HSPA12A: variants seen among roughly 807,000 people sequenced by gnomAD.
The protein encoded by HSPA12A is heat shock 70 kDa protein 12A.
Under a neutral mutation model 69.2 loss-of-function variants are expected in HSPA12A, and 28 were observed. The ratio of observed to expected loss-of-function variants is 0.40; its 90% CI spans 0.30 to 0.55. HSPA12A has a LOEUF of 0.55. HSPA12A is among the 20% of genes least tolerant of loss of function. The pLI, the probability that HSPA12A is intolerant of heterozygous loss-of-function variation, is 0.38. For missense variants in HSPA12A, 686 were observed against 900.7 expected (o/e 0.76, Z 3.05); for synonymous variants, 345 against 370.5 (o/e 0.93, Z 0.79).
intron 3 of HSPA12A, among the ~76,000 whole-genome samples, chr10:116,704,234 G>C (rs1554881969): frequency 6.6e-6 from 1 of 152,164 alleles, no homozygotes; most frequent in Non-Finnish European, 1.5e-5. Flanking sequence ...CGGTAGACTA[G>C]ATTAAGAAAA....
chr10:116,812,435 C>A (rs995617644), intron 2 of HSPA12A, among the ~76,000 whole-genome samples: 1 of 151,622 alleles, frequency 6.6e-6, no homozygotes, highest in Non-Finnish European at 1.5e-5. Context: ...CCTAGGCGAT[C>A]GAGTGAGACT....
Position 116,675,513 on chromosome 10 carries a change from C to T in HSPA12A, c.1391-95G>A, listed in dbSNP as rs1163751812. On this transcript the variant is annotated intron_variant, in intron 11 of 11. Coordinates refer to ENST00000369209, the MANE Select transcript of HSPA12A (RefSeq NM_025015.3). The surrounding 1 kb of genome is among the most constrained non-coding windows in gnomAD (Gnocchi z 5.2). ...TGCATCTGTGGGGAACGGATAAAGC[C>T]ACTTGGGCCACTGGGAGGGCAGGCT... 10 of 1,289,372 alleles carry T rather than the reference C, an allele frequency of 7.8e-6. No individual in the cohort carries two copies. The highest frequency in any genetic ancestry group is 1.5e-5 in the South Asian group (1 of 64,604). 79.9% of individuals were successfully genotyped at this position (1,289,372 alleles called of 1,614,324 possible).
At chr10:116,727,183 TA>T (rs1405616673) in intron 1 of HSPA12A, among the ~76,000 whole-genome samples, 55 of 152,312 alleles carry the variant, frequency 3.6e-4, no homozygotes, top group African/African-American at 1.3e-3. Context: ...TGGGTTAAAA[TA>T]ACAATAATTT....
intron 1 of HSPA12A, among the ~76,000 whole-genome samples, chr10:116,838,814 T>C (rs1412428529): frequency 6.6e-6 from 1 of 152,248 alleles, no homozygotes; most frequent in African/African-American, 2.4e-5. Flanking sequence ...GCCGGTTAAA[T>C]GCACAGAGAG....
chr10:116,705,977 G>A (rs1173423241), intron 2 of HSPA12A, among the ~76,000 whole-genome samples: 1 of 144,448 alleles, frequency 6.9e-6, no homozygotes, highest in Non-Finnish European at 1.5e-5. Flanking sequence ...CTCACTGCAA[G>A]CTCTGCCTCC....
intron 2 of HSPA12A, among the ~76,000 whole-genome samples, chr10:116,802,023 G>T (rs1844967493): frequency 1.3e-5 from 2 of 152,154 alleles, no homozygotes; most frequent in Admixed American, 6.5e-5. Context: ...ATGGAAACAG[G>T]CCTGCTAGCC....
chr10:116,792,194 T>C (rs11197825), intron 2 of HSPA12A, among the ~76,000 whole-genome samples: 1 of 146,738 alleles, frequency 6.8e-6, no homozygotes, highest in Admixed American at 6.9e-5. Context: ...CACGTAAGCA[T>C]GTGAGTGGGA....
intron 2 of HSPA12A, 148 bp from the exon 3 acceptor site, chr10:116,705,426 G>A: frequency 6.0e-6 from 6 of 1,002,158 alleles, no homozygotes; most frequent in Non-Finnish European, 6.1e-6. Context: ...ACCACCTGGG[G>A]AGAAGGCAGC....
In HSPA12A at chr10:116,813,115, G is replaced by C. The variant is rs79300208; in HGVS notation, c.91+21820C>G. Among the ~76,000 whole-genome samples, 1,400 of 152,248 alleles carry C rather than the reference G, an allele frequency of 9.2e-3. 18 individuals carry two copies. Among genetic ancestry groups the C allele is most frequent in the African/African-American group, 0.031 (1,301 of 41,530 alleles). On this transcript the variant is annotated intron_variant, in intron 2 of 12. Coordinates refer to the HSPA12A transcript ENST00000635765. ...ATGCCCTGATGAACTCTCTGGGTTC[G>C]AGTGGAGGACCTGGAAGGCTACAAC...
chr10:116,674,850 G>GGGT lies in HSPA12A; in HGVS notation c.1958_1959insACC (p.Ile653_Lys654insPro). 1 of 1,613,800 alleles carries GGGT rather than the reference G, an allele frequency of 6.2e-7. No individual in the cohort carries two copies. Among genetic ancestry groups the GGGT allele is most frequent in the Non-Finnish European group, 8.5e-7 (1 of 1,180,040 alleles). On this transcript the variant is annotated inframe_insertion, in exon 12 of 12. Coordinates refer to ENST00000369209, the MANE Select transcript of HSPA12A (RefSeq NM_025015.3). ...TGGCTATATCAATGGCTGTGGCTTT[G>GGGT]ATCTCGGTGTCCCCGAACTGCATAA...
At chr10:116,737,171 C>T (rs1851342951) in intron 1 of HSPA12A, among the ~76,000 whole-genome samples, 1 of 152,138 alleles carries the variant, frequency 6.6e-6, no homozygotes, top group South Asian at 2.1e-4. Flanking sequence ...GTCAATGACA[C>T]AGCACAGATT....
intron 2 of HSPA12A, among the ~76,000 whole-genome samples, chr10:116,755,743 G>A (rs1285865573): frequency 4.0e-5 from 6 of 149,940 alleles, no homozygotes; most frequent in African/African-American, 1.5e-4. Context: ...CAAGACAGGC[G>A]AATGGCATGA....
At chr10:116,733,376 G>C (rs1851220890) in intron 1 of HSPA12A, among the ~76,000 whole-genome samples, 1 of 152,162 alleles carries the variant, frequency 6.6e-6, no homozygotes, top group African/African-American at 2.4e-5. Context: ...CAGCTTCCCT[G>C]TCCCAAACAG....
chr10:116,690,184 G>C (rs1487890995), intron 6 of HSPA12A, among the ~76,000 whole-genome samples: 1 of 152,188 alleles, frequency 6.6e-6, no homozygotes. Flanking sequence ...CCAGAAGACA[G>C]GCTAAAGAGA....
intron 2 of HSPA12A, among the ~76,000 whole-genome samples, chr10:116,761,304 G>A (rs1158065590): frequency 6.6e-6 from 1 of 152,070 alleles, no homozygotes; most frequent in Non-Finnish European, 1.5e-5. Context: ...TGGGCAACAT[G>A]GTGAAACACC....
At chr10:116,797,644 GC>G (rs1316010330) in intron 2 of HSPA12A, among the ~76,000 whole-genome samples, 1 of 152,184 alleles carries the variant, frequency 6.6e-6, no homozygotes, top group African/African-American at 2.4e-5. Flanking sequence ...AACCAAAGAA[GC>G]TGTTTAGTAG....
At chr10:116,804,210 G>T (rs771029354) in intron 2 of HSPA12A, among the ~76,000 whole-genome samples, 1 of 152,074 alleles carries the variant, frequency 6.6e-6, no homozygotes, top group African/African-American at 2.4e-5. Flanking sequence ...TTCACCTGAC[G>T]ACGGGACGAA....
chr10:116,741,002 G>T (rs1554887051), intron 1 of HSPA12A, among the ~76,000 whole-genome samples: 2 of 148,830 alleles, frequency 1.3e-5, no homozygotes, highest in African/African-American at 2.5e-5. Flanking sequence ...CAATCCAGTT[G>T]CTGAGTGATG....
chr10:116,695,676 C>T (rs12259830), intron 5 of HSPA12A, among the ~76,000 whole-genome samples: 79,335 of 151,316 alleles, frequency 0.52, 21,188 homozygotes, highest in Middle Eastern at 0.64. Flanking sequence ...ATTAGCCAGG[C>T]ATGGTGGCGG....
Sources: allele counts gnomAD v4.1 joint callset (sites outside exome capture counted in the v4.1 genomes callset), GRCh38; gene constraint gnomAD v4.1.1; non-coding constraint Gnocchi (gnomAD v3.1); transcripts MANE v1.5; gene names NCBI Gene and HGNC (gene_info 2026-07-23, HGNC 2026-07-21).